MAGI2: variants seen among roughly 807,000 people sequenced by gnomAD.
MAGI2 encodes membrane associated guanylate kinase, WW and PDZ domain containing 2, also known as membrane-associated guanylate kinase, WW and PDZ domain-containing protein 2.
Under a neutral mutation model 133.3 loss-of-function variants are expected in MAGI2, and 35 were observed. That is an observed-to-expected ratio of 0.26 (90% CI 0.20 to 0.35). The LOEUF (loss-of-function observed/expected upper bound fraction) is 0.35, where lower values mean the gene tolerates loss of function less well. Among genes scored for constraint, MAGI2 ranks in the 10% least tolerant of loss-of-function variants. The pLI, the probability that MAGI2 is intolerant of heterozygous loss-of-function variation, is 1.00. For missense variants in MAGI2, 1,636 were observed against 1,863.4 expected, an observed-to-expected ratio of 0.88 and a Z score of 2.25; for synonymous variants, 729 against 710.6, an observed-to-expected ratio of 1.03 and a Z score of -0.41.
intron 1 of MAGI2, among the ~76,000 whole-genome samples, chr7:79,123,816 G>A (rs761633032): frequency 2.2e-5 from 3 of 135,844 alleles, no homozygotes; most frequent in South Asian, 2.4e-4. Flanking sequence ...AAGAGATAAC[G>A]CACATCAAGT....
At chr7:78,741,029 A>T (rs1040600832) in intron 2 of MAGI2, among the ~76,000 whole-genome samples, 3 of 151,030 alleles carry the variant, frequency 2.0e-5, no homozygotes, top group African/African-American at 7.3e-5. Context: ...CTGTGCCAGG[A>T]TTTGAAGATA....
At chr7:78,637,610 T>C (rs1220751674) in intron 2 of MAGI2, among the ~76,000 whole-genome samples, 1 of 152,180 alleles carries the variant, frequency 6.6e-6, no homozygotes, top group Non-Finnish European at 1.5e-5. Flanking sequence ...TTACAGCTTG[T>C]TTACAACTAT....
chr7:78,285,786 C>A (rs1159079852), intron 9 of MAGI2: 1 of 152,124 alleles, frequency 6.6e-6, no homozygotes, highest in African/African-American at 2.4e-5. Context: ...GACAAGTTTT[C>A]AGGTGATGCC....
intron 6 of MAGI2, among the ~76,000 whole-genome samples, chr7:78,487,757 T>C (rs1315959553): frequency 2.0e-5 from 3 of 152,072 alleles, no homozygotes; most frequent in Non-Finnish European, 4.4e-5. Context: ...GAAAAAGATA[T>C]CATCATCGGA....
chr7:78,090,127 G>C (rs987794180), intron 20 of MAGI2, among the ~76,000 whole-genome samples: 1 of 151,990 alleles, frequency 6.6e-6, no homozygotes, highest in Admixed American at 6.6e-5. Flanking sequence ...ATTCTTCAAG[G>C]CTCTGCTCAA....
intron 2 of MAGI2, among the ~76,000 whole-genome samples, chr7:78,912,748 CAT>C (rs749025459): frequency 5.4e-4 from 77 of 142,680 alleles, no homozygotes; most frequent in African/African-American, 1.4e-3. Context: ...ATATATCATT[CAT>C]ATATATATAT....
chr7:78,569,726 C>T (rs1191514723), intron 3 of MAGI2, among the ~76,000 whole-genome samples: 2 of 152,128 alleles, frequency 1.3e-5, no homozygotes, highest in Non-Finnish European at 2.9e-5. Flanking sequence ...GACACATTTT[C>T]ACAAAGGAAA....
intron 3 of MAGI2, among the ~76,000 whole-genome samples, chr7:78,597,396 A>G (rs1804730377): frequency 6.6e-6 from 1 of 151,924 alleles, no homozygotes; most frequent in African/African-American, 2.4e-5. Flanking sequence ...TCTTATAAAT[A>G]ATTTTAGATT....
intron 12 of MAGI2, among the ~76,000 whole-genome samples, chr7:78,190,415 C>T (rs1281126103): frequency 2.6e-5 from 4 of 152,042 alleles, no homozygotes; most frequent in African/African-American, 9.7e-5. Context: ...TTTTCTTGAA[C>T]AGTAATGATG....
At chr7:79,212,440 G>C (rs1585213454) in intron 1 of MAGI2, among the ~76,000 whole-genome samples, 1 of 152,068 alleles carries the variant, frequency 6.6e-6, no homozygotes, top group East Asian at 1.9e-4. Context: ...CCAAAAATTT[G>C]GCATCAATTC....
intron 1 of MAGI2, among the ~76,000 whole-genome samples, chr7:79,202,358 T>C (rs895714768): frequency 1.3e-5 from 2 of 151,968 alleles, no homozygotes; most frequent in Admixed American, 6.6e-5. Flanking sequence ...AGCCTGAATT[T>C]AATGTTTGGC....
chr7:78,698,256 C>T (rs1288818328), intron 2 of MAGI2, among the ~76,000 whole-genome samples: 3 of 152,096 alleles, frequency 2.0e-5, no homozygotes, highest in African/African-American at 7.2e-5. Flanking sequence ...GTTGATCATT[C>T]CTAATCTGAA....
At chr7:79,014,313 C>T (rs1449893336) in intron 1 of MAGI2, among the ~76,000 whole-genome samples, 1 of 152,034 alleles carries the variant, frequency 6.6e-6, no homozygotes, top group African/African-American at 2.4e-5. Context: ...TATGATATTT[C>T]CTTCCATTGA....
intron 2 of MAGI2, among the ~76,000 whole-genome samples, chr7:78,809,528 G>A (rs1388016701): frequency 6.6e-6 from 1 of 152,094 alleles, no homozygotes; most frequent in Non-Finnish European, 1.5e-5. Flanking sequence ...ATTTAATTCT[G>A]GTACTCAGTA....
chr7:78,892,937 C>A (rs1377412726), intron 2 of MAGI2, among the ~76,000 whole-genome samples: 1 of 152,178 alleles, frequency 6.6e-6, no homozygotes, highest in African/African-American at 2.4e-5. Context: ...TCAGAGTGAA[C>A]AGGCAACCTA....
rs191998296 is a variant in MAGI2 at position 79,285,786 on chromosome 7, A to G, written c.301+167234T>C. On this transcript the variant is annotated intron_variant, in intron 1 of 21. Coordinates refer to ENST00000354212, the MANE Select transcript of MAGI2 (RefSeq NM_012301.4). Reference sequence around the variant, plus strand: ...ATACTCTGAAAACTACTCTCTCCCAAAGAGAGGTTGTCTTTTGAGGTAGTT... The same window carrying G: ...ATACTCTGAAAACTACTCTCTCCCAGAGAGAGGTTGTCTTTTGAGGTAGTT... 2.1e-3 allele frequency among the ~76,000 whole-genome samples: 326 copies of G among 152,198 alleles called. 4 individuals are homozygous for G. Among genetic ancestry groups the G allele is most frequent in the Admixed American group, 4.0e-3 (61 of 15,256 alleles).
At chr7:78,125,975 G>A in intron 19 of MAGI2, 138 bp from the exon 20 acceptor site, 1 of 912,374 alleles carries the variant, frequency 1.1e-6, no homozygotes, top group South Asian at 1.8e-5. Context: ...TCGTAATCTG[G>A]CTTCATAAAC....
intron 6 of MAGI2, among the ~76,000 whole-genome samples, chr7:78,461,652 C>T (rs1001048326): frequency 1.3e-5 from 2 of 151,810 alleles, no homozygotes; most frequent in Non-Finnish European, 2.9e-5. Flanking sequence ...TGGCTCATGC[C>T]TGTAATCCCA....
At chr7:78,998,226 G>A (rs1406115537) in intron 2 of MAGI2, among the ~76,000 whole-genome samples, 2 of 152,154 alleles carry the variant, frequency 1.3e-5, no homozygotes, top group Admixed American at 1.3e-4. Flanking sequence ...AGTGTCTGCT[G>A]TATTTGATAT....
Sources: gnomAD v4.1 joint callset for allele counts (sites outside exome capture counted in the v4.1 genomes callset) on GRCh38, gnomAD v4.1.1 for gene constraint, MANE v1.5 for transcripts, NCBI Gene and HGNC (gene_info 2026-07-23, HGNC 2026-07-21) for gene names.